Variants in LPIN2 observed in about 807,000 individuals in gnomAD.
The protein encoded by LPIN2 is lipin 2.
LPIN2 carries 55 observed loss-of-function variants against 111.4 expected under a neutral mutation model. That is an observed-to-expected ratio of 0.49 (90% CI 0.40 to 0.62). The LOEUF is 0.62. Among genes scored for constraint, LPIN2 ranks in the 20% least tolerant of loss-of-function variants. The pLI is 0.00. For missense variants in LPIN2, 992 were observed against 1,112.1 expected, an observed-to-expected ratio of 0.89 and a Z score of 1.54; for synonymous variants, 425 against 414.0, an observed-to-expected ratio of 1.03 and a Z score of -0.32.
chr18:2,923,141 C>T (rs944748598), intron 16 of LPIN2, among the ~76,000 whole-genome samples: 4 of 152,144 alleles, frequency 2.6e-5, no homozygotes, highest in Non-Finnish European at 4.4e-5. Context: ...AATTTTAAGG[C>T]TGGGCGCAAT....
chr18:3,001,394 T>C (rs2078433131), intron 1 of LPIN2, among the ~76,000 whole-genome samples: 1 of 137,236 alleles, frequency 7.3e-6, no homozygotes, highest in Non-Finnish European at 1.6e-5. Context: ...AATTGTTGAC[T>C]CCAGAGAAAA....
At chr18:2,968,582 T>C (rs1227725875) in intron 1 of LPIN2, among the ~76,000 whole-genome samples, 1 of 102,902 alleles carries the variant, frequency 9.7e-6, no homozygotes, top group African/African-American at 3.2e-5. Flanking sequence ...AGAAAAAATC[T>C]ACTTGGGAGA....
At chr18:2,986,246 T>C (rs2078183771) in intron 1 of LPIN2, among the ~76,000 whole-genome samples, 1 of 152,252 alleles carries the variant, frequency 6.6e-6, no homozygotes, top group South Asian at 2.1e-4. Flanking sequence ...GTAGTTTAAC[T>C]GCTCATTGGG....
rs770760756 is a variant in LPIN2 at position 2,942,475 on chromosome 18, C to T, written c.591-1763G>A. On this transcript the variant is annotated intron_variant, in intron 4 of 19. Coordinates refer to ENST00000677752, the MANE Select transcript of LPIN2 (RefSeq NM_001375808.2). ...TGTAAAAGTCACACAAATTTCTAAC[C>T]GGAATTTTTATATTACAAATATTTT... Among the ~76,000 whole-genome samples the T allele has an allele frequency of 9.2e-5, 14 of 152,202 alleles. No homozygotes were observed. The South Asian group carries it at 1.5e-3, about 16-fold the overall frequency.
intron 1 of LPIN2, among the ~76,000 whole-genome samples, chr18:2,987,763 T>C (rs955094941): frequency 6.6e-6 from 1 of 152,140 alleles, no homozygotes; most frequent in Non-Finnish European, 1.5e-5. Flanking sequence ...CTTCCATCTA[T>C]AGAAACGAAC....
Position 2,924,411 on chromosome 18 carries a change from C to T in LPIN2, c.2074G>A (p.Gly692Arg), listed in dbSNP as rs1378918754. The T allele has an allele frequency of 6.2e-7, 1 of 1,614,156 alleles. No homozygotes were observed. Among genetic ancestry groups the T allele is most frequent in the Non-Finnish European group, 8.5e-7 (1 of 1,180,028 alleles). The change falls in exon 15 of 20, where the codon GGG (glycine) becomes AGG (arginine). Residue 692 changes from glycine (G) to arginine (R), a missense_variant. Gly to Arg is a moderately radical substitution (Grantham distance 125). This residue lies in a region of LPIN2 where 709 missense variants were observed against 753.2 expected (regional missense o/e 0.94). Transcript: ENST00000677752. The part of the protein sequence containing the change: ...NDKIIISDID[G>R]TITKSDALGQ... Reference sequence around the variant, plus strand: ...GATTGAGCTTACTTGGTTATTGTCCCATCAATATCAGAAATGATGATCTTG... The same window carrying T: ...GATTGAGCTTACTTGGTTATTGTCCTATCAATATCAGAAATGATGATCTTG...
In LPIN2 at chr18:2,918,897, C is replaced by G. The variant is rs550666557; in HGVS notation, c.*1396G>C. The stretch of plus-strand genomic sequence containing the variant: ...CCACGAGACCACCCCGAGCGCCAAG[C>G]CTGTATCTGCAGATCCCTCTCTGCT... On this transcript the variant is annotated 3_prime_UTR_variant, in exon 20 of 20. Coordinates refer to ENST00000677752, the MANE Select transcript of LPIN2 (RefSeq NM_001375808.2). The G allele has an allele frequency of 1.3e-5, 2 of 152,334 alleles. No individual in the cohort carries two copies. Among genetic ancestry groups the G allele is most frequent in the African/African-American group, 2.4e-5 (1 of 41,576 alleles). The allele number at this position is 152,334 out of a possible 1,614,324, so 9.4% of individuals were successfully genotyped here. A position where few individuals can be genotyped will look rare whatever the true frequency, so the allele number is the denominator to read the frequency against.
intron 1 of LPIN2, among the ~76,000 whole-genome samples, chr18:3,007,670 T>C (rs2078537751): frequency 6.6e-6 from 1 of 152,208 alleles, no homozygotes; most frequent in African/African-American, 2.4e-5. Context: ...GAAAAGCACA[T>C]TGTTTTACAA....
At chr18:2,977,210 A>T (rs2078034645) in intron 1 of LPIN2, 1 of 151,174 alleles carries the variant, frequency 6.6e-6, no homozygotes, top group African/African-American at 2.4e-5. Context: ...AAAAAAAATC[A>T]TAAACACCTG....
chr18:2,940,291 C>T lies in LPIN2; in HGVS notation c.698+314G>A, dbSNP rs549588937. Among the ~76,000 whole-genome samples, 6 of 152,290 alleles carry T rather than the reference C, an allele frequency of 3.9e-5. No homozygotes were observed. In the South Asian group the frequency reaches 1.2e-3, roughly 32 times the overall value. ...GCAGTGAGCTATGAGTGTGCCACTG[C>T]ACTCCAGGCTGGGAAAACAGAGCGA... On this transcript the variant is annotated intron_variant, in intron 5 of 19. Coordinates refer to ENST00000677752, the MANE Select transcript of LPIN2 (RefSeq NM_001375808.2).
chr18:2,969,916 A>T (rs1351020740), intron 1 of LPIN2, among the ~76,000 whole-genome samples: 1 of 152,220 alleles, frequency 6.6e-6, no homozygotes. Flanking sequence ...TGTCGTATAA[A>T]GATGTCAAGG....
chr18:2,948,798 A>C (rs1598556454), intron 4 of LPIN2, among the ~76,000 whole-genome samples: 1 of 152,194 alleles, frequency 6.6e-6, no homozygotes, highest in Admixed American at 6.5e-5. Context: ...AAAACTTTTA[A>C]AGGAAATTGT....
chr18:2,950,777 A>G lies in LPIN2; in HGVS notation c.590+278T>C. The G allele has an allele frequency of 4.2e-6, 2 of 475,948 alleles. 1 individual carries two copies. Among genetic ancestry groups the G allele is most frequent in the South Asian group, 4.5e-5 (2 of 44,812 alleles). The allele number at this position is 475,948 out of a possible 1,614,324, so 29.5% of individuals were successfully genotyped here. On this transcript the variant is annotated intron_variant, in intron 4 of 19. Transcript: ENST00000677752. ...TCTGCTCACCGAGGGGCAAATCACT[A>G]ATTCAGATCTTTTGACTTAGAACTT...
At chr18:2,934,863 G>GC (rs373631995) in intron 7 of LPIN2, among the ~76,000 whole-genome samples, 198 of 152,266 alleles carry the variant, frequency 1.3e-3, no homozygotes, top group Middle Eastern at 6.8e-3. Context: ...TTCACATGGT[G>GC]CCCAAGTATC....
chr18:2,921,977 C>T, intron 17 of LPIN2, 70 bp downstream of exon 17: 2 of 1,534,658 alleles, frequency 1.3e-6, no homozygotes. Context: ...CCCACACATC[C>T]CCCCACCTTG....
intron 1 of LPIN2, among the ~76,000 whole-genome samples, chr18:2,970,613 A>C (rs1891557097): frequency 6.6e-6 from 1 of 152,250 alleles, no homozygotes; most frequent in African/African-American, 2.4e-5. Context: ...CTAGATCCTG[A>C]CTGGATAAAG....
Position 2,928,797 on chromosome 18 carries a change from ATT to A in LPIN2, c.1551-139_1551-138del, listed in dbSNP as rs543309647. ...CTTTTCAATAAAGATGATCAGCTGA[ATT>A]TTTTGTCACATGAATAACCTTCGCT... is the stretch of plus-strand genomic sequence containing the variant. On this transcript the variant is annotated intron_variant, in intron 10 of 19. Transcript: ENST00000677752. The A allele has an allele frequency of 1.6e-3, 1,242 of 760,966 alleles. 4 individuals are homozygous for A. Among genetic ancestry groups the A allele is most frequent in the Middle Eastern group, 6.1e-3 (18 of 2,946 alleles). 47.1% of individuals were successfully genotyped at this position (760,966 alleles called of 1,614,324 possible).
chr18:2,968,754 C>A (rs625527), intron 1 of LPIN2, among the ~76,000 whole-genome samples: 83,826 of 151,948 alleles, frequency 0.55, 23,625 homozygotes, highest in Non-Finnish European at 0.61. Context: ...GAGTGAGATG[C>A]CACAAGGCCT....
At chr18:2,940,408 TGTTA>T (rs761344180) in intron 5 of LPIN2, among the ~76,000 whole-genome samples, 193 bp downstream of exon 5, 2 of 152,216 alleles carry the variant, frequency 1.3e-5, no homozygotes, top group Non-Finnish European at 2.9e-5. Flanking sequence ...TGGCCAACAC[TGTTA>T]GAGTAAGTCA....
Sources: gnomAD v4.1 joint callset for allele counts (sites outside exome capture counted in the v4.1 genomes callset) on GRCh38, gnomAD v4.1.1 for gene constraint, gnomAD v4.1.1 regional missense constraint, MANE v1.5 for transcripts, NCBI Gene and HGNC (gene_info 2026-07-23, HGNC 2026-07-21) for gene names.